Variants in NAALADL2 observed in about 807,000 individuals in gnomAD.
NAALADL2 encodes the protein inactive N-acetylated-alpha-linked acidic dipeptidase-like protein 2.
NAALADL2 carries 76 observed loss-of-function variants against 87.2 expected under a neutral mutation model. That is an observed-to-expected ratio of 0.87 (90% confidence interval 0.72 to 1.05). The LOEUF is 1.05. NAALADL2 is among the 50% of genes least tolerant of loss of function. NAALADL2 has a pLI of 0.00. For synonymous variants in NAALADL2, 354 were observed against 331.0 expected, an observed-to-expected ratio of 1.07 and a Z score of -0.75; for missense variants, 1,089 against 945.8, an observed-to-expected ratio of 1.15 and a Z score of -1.99.
intron 1 of NAALADL2, among the ~76,000 whole-genome samples, chr3:175,054,137 C>T (rs78364313): frequency 0.16 from 23,930 of 152,198 alleles, 2,269 homozygotes; most frequent in African/African-American, 0.25. Flanking sequence ...TTAAAAGCAG[C>T]CAATACCTCA....
At position 174,742,924 on chromosome 3, in the gene NAALADL2, T is replaced by C. The variant is rs1323195701; in HGVS notation, c.-9+5178T>C. ...TTGTGTCTCATCATACAATAGGATA[T>C]TTTCACTCTTTGTGTTGCTCTGAAC... On this transcript the variant is annotated intron_variant, in intron 3 of 3. Coordinates refer to the NAALADL2 transcript ENST00000434257. 3.3e-5 allele frequency among the ~76,000 whole-genome samples: 5 copies of C among 151,642 alleles called. No individual in the cohort carries two copies. The South Asian group carries it at 1.0e-3, about 31-fold the overall frequency.
chr3:175,120,985 A>G (rs1726062800), intron 2 of NAALADL2, among the ~76,000 whole-genome samples: 1 of 151,872 alleles, frequency 6.6e-6, no homozygotes, highest in Non-Finnish European at 1.5e-5. Flanking sequence ...TGATAGAGTC[A>G]TGGACACCTC....
chr3:174,999,591 C>T (rs995580068), intron 1 of NAALADL2, among the ~76,000 whole-genome samples: 8 of 152,112 alleles, frequency 5.3e-5, no homozygotes, highest in African/African-American at 1.7e-4. Context: ...AGTATGGTAG[C>T]TTTATCAAAA....
intron 5 of NAALADL2, among the ~76,000 whole-genome samples, chr3:175,359,420 C>A (rs1199210082): frequency 1.3e-5 from 2 of 151,984 alleles, no homozygotes; most frequent in African/African-American, 4.8e-5. Context: ...ACAAGCCACT[C>A]CTTTGTGTTA....
chr3:175,718,979 T>C (rs948810819), intron 11 of NAALADL2, among the ~76,000 whole-genome samples: 3 of 152,178 alleles, frequency 2.0e-5, no homozygotes, highest in Admixed American at 6.6e-5. Flanking sequence ...TTTTTTAAAG[T>C]GCGGTATGAT....
chr3:175,324,651 G>A (rs543146868), intron 5 of NAALADL2, among the ~76,000 whole-genome samples: 1 of 152,288 alleles, frequency 6.6e-6, no homozygotes, highest in Non-Finnish European at 1.5e-5. Context: ...TAAGCCAATA[G>A]CATGTACAGA....
At chr3:174,482,960 T>A (rs1717649745) in intron 1 of NAALADL2, among the ~76,000 whole-genome samples, 1 of 152,058 alleles carries the variant, frequency 6.6e-6, no homozygotes, top group Admixed American at 6.6e-5. Flanking sequence ...AAGAGTGATG[T>A]GTTAAAGTGA....
chr3:175,195,903 A>C (rs891973710), intron 2 of NAALADL2, among the ~76,000 whole-genome samples: 7 of 151,874 alleles, frequency 4.6e-5, no homozygotes, highest in Admixed American at 6.6e-5. Context: ...ACTAAGTATC[A>C]TGTGTAATGA....
At chr3:175,259,563 T>G (rs2109874718) in intron 4 of NAALADL2, among the ~76,000 whole-genome samples, 1 of 152,342 alleles carries the variant, frequency 6.6e-6, no homozygotes, top group South Asian at 2.1e-4. Context: ...ATTTTCCTTG[T>G]TCAACCTACC....
At chr3:175,219,609 C>T (rs1403302547) in intron 2 of NAALADL2, among the ~76,000 whole-genome samples, 1 of 152,014 alleles carries the variant, frequency 6.6e-6, no homozygotes, top group East Asian at 1.9e-4. Context: ...AGATGTTCTC[C>T]TTTGTTATCT....
chr3:175,294,207 A>G (rs552904677), intron 4 of NAALADL2, among the ~76,000 whole-genome samples: 1 of 152,298 alleles, frequency 6.6e-6, no homozygotes, highest in South Asian at 2.1e-4. Context: ...AAAAAGAAAA[A>G]CATAGTGAAT....
intron 2 of NAALADL2, among the ~76,000 whole-genome samples, chr3:174,716,652 A>T (rs199796392): frequency 0.014 from 2,061 of 152,054 alleles, 28 homozygotes; most frequent in Non-Finnish European, 0.019. Context: ...AAAAAAAAAA[A>T]TAGACCCTGT....
At chr3:175,117,300 G>A (rs1725400728) in intron 2 of NAALADL2, among the ~76,000 whole-genome samples, 1 of 152,030 alleles carries the variant, frequency 6.6e-6, no homozygotes, top group Non-Finnish European at 1.5e-5. Context: ...CACAGCAAAA[G>A]AAACCACCAT....
intron 1 of NAALADL2, among the ~76,000 whole-genome samples, chr3:174,453,190 T>G (rs1209952109): frequency 6.6e-6 from 1 of 152,098 alleles, no homozygotes; most frequent in Non-Finnish European, 1.5e-5. Flanking sequence ...TCTCAGAGCT[T>G]GAAGACTGGC....
At chr3:175,105,573 T>C (rs1323559890) in intron 2 of NAALADL2, among the ~76,000 whole-genome samples, 1 of 146,980 alleles carries the variant, frequency 6.8e-6, no homozygotes, top group African/African-American at 2.5e-5. Flanking sequence ...TATATATTCA[T>C]ACACACACAC....
chr3:175,611,904 T>C (rs150677098), intron 10 of NAALADL2, among the ~76,000 whole-genome samples: 5 of 152,270 alleles, frequency 3.3e-5, no homozygotes, highest in African/African-American at 1.2e-4. Flanking sequence ...AATTTTTGCT[T>C]TAGTGAATTG....
At chr3:175,706,068 A>G (rs1299063107) in intron 11 of NAALADL2, among the ~76,000 whole-genome samples, 1 of 152,162 alleles carries the variant, frequency 6.6e-6, no homozygotes, top group Non-Finnish European at 1.5e-5. Context: ...AGGGAACTAT[A>G]TGAATGACAA....
intron 5 of NAALADL2, among the ~76,000 whole-genome samples, chr3:175,441,073 T>C (rs1215146887): frequency 1.3e-5 from 2 of 152,246 alleles, no homozygotes; most frequent in East Asian, 1.9e-4. Context: ...TTTCTTTTTA[T>C]GTATTAGTCA....
Position 174,498,467 on chromosome 3 carries a change from C to A in NAALADL2, c.-183-52102C>A, listed in dbSNP as rs990227729. On this transcript the variant is annotated intron_variant, in intron 1 of 3. Transcript: ENST00000434257. ...CTTGTTAATAAACATTTGAGATTTT[C>A]CAGTTTTTGGCTCTTACAAATAAAG... 2.6e-5 allele frequency among the ~76,000 whole-genome samples: 4 copies of A among 151,658 alleles called. No individual in the cohort carries two copies. The East Asian group carries it at 7.7e-4, about 29-fold the overall frequency.
Sources: gnomAD v4.1 joint callset for allele counts (sites outside exome capture counted in the v4.1 genomes callset) on GRCh38, gnomAD v4.1.1 for gene constraint, MANE v1.5 for transcripts, NCBI Gene and HGNC (gene_info 2026-07-23, HGNC 2026-07-21) for gene names.